The following NEDD4L variants were observed in gnomAD, a reference collection of about 807,000 sequenced individuals.
The protein encoded by NEDD4L is E3 ubiquitin-protein ligase NEDD4-like.
A neutral mutation model predicts 148.9 loss-of-function variants in NEDD4L; 54 were observed. The ratio of observed to expected loss-of-function variants is 0.36; its 90% CI spans 0.29 to 0.45. NEDD4L has a LOEUF of 0.45. NEDD4L is among the 20% of genes least tolerant of loss of function. The probability of loss-of-function intolerance (pLI) is 1.00; values close to 1 mark genes in which losing one functional copy is unlikely to be tolerated. For missense variants in NEDD4L, 856 were observed against 1,233.8 expected (o/e 0.69, Z 4.59); for synonymous variants, 433 against 440.7 (o/e 0.98, Z 0.22).
rs142079290 is a variant in NEDD4L at position 58,340,851 on chromosome 18, T to A, written c.1126-187T>A. The A allele has an allele frequency of 5.7e-4, 343 of 604,384 alleles. 2 individuals carry two copies. In the African/African-American group the frequency reaches 5.9e-3, roughly 10 times the overall value. 37.4% of individuals were successfully genotyped at this position (604,384 alleles called of 1,614,324 possible). ...GACTCTGCAACTGTATGGGGTTCAT[T>A]TCACAGTAGATTTGAAGCTGTTGGA... On this transcript the variant is annotated intron_variant, in intron 13 of 30. Transcript: ENST00000400345.
At position 58,399,000 on chromosome 18, in the gene NEDD4L, T is replaced by C. The variant is rs2050666203; in HGVS notation, c.*2731T>C. On this transcript the variant is annotated 3_prime_UTR_variant, in exon 31 of 31. Coordinates refer to ENST00000400345, the MANE Select transcript of NEDD4L (RefSeq NM_001144967.3). ...AGAAATCACCTTAATGCAGTCTCTT[T>C]AGTTGTCTGCTGAAGCTGTAGTTAT... 2 of 152,254 alleles carry C rather than the reference T, an allele frequency of 1.3e-5. No homozygotes were observed. The highest frequency in any genetic ancestry group is 2.1e-4 in the South Asian group (1 of 4,824). 9.4% of individuals were successfully genotyped at this position (152,254 alleles called of 1,614,324 possible).
At chr18:58,349,418 C>T in intron 16 of NEDD4L, 119 bp from the exon 17 acceptor site, 6 of 729,134 alleles carry the variant, frequency 8.2e-6, no homozygotes, top group East Asian at 2.6e-5. Flanking sequence ...ACCCATCTCA[C>T]GCTCCAGGCA....
At chr18:58,302,067 C>T (rs928507846) in intron 5 of NEDD4L, among the ~76,000 whole-genome samples, 4 of 152,206 alleles carry the variant, frequency 2.6e-5, no homozygotes, top group African/African-American at 9.6e-5. Flanking sequence ...ATCCCAGTTA[C>T]TTTGTAGATT....
chr18:58,149,713 A>G (rs1426369531), intron 1 of NEDD4L: 1 of 658,796 alleles, frequency 1.5e-6, no homozygotes, highest in Non-Finnish European at 2.8e-6. Context: ...TGACCTGATT[A>G]CTTCTTTCTT....
intron 1 of NEDD4L, among the ~76,000 whole-genome samples, chr18:58,108,004 G>T (rs1037501408): frequency 6.6e-6 from 1 of 152,156 alleles, no homozygotes; most frequent in African/African-American, 2.4e-5. Flanking sequence ...ACAGGCATGA[G>T]CCACTGCACC....
intron 5 of NEDD4L, among the ~76,000 whole-genome samples, chr18:58,287,924 T>A (rs1389286730): frequency 6.6e-6 from 1 of 152,212 alleles, no homozygotes; most frequent in African/African-American, 2.4e-5. Flanking sequence ...CCAGCAATAA[T>A]GATAATCAGT....
intron 2 of NEDD4L, among the ~76,000 whole-genome samples, chr18:58,233,356 G>A (rs959488942): frequency 1.4e-4 from 21 of 152,194 alleles, no homozygotes; most frequent in Non-Finnish European, 7.3e-5. Context: ...CATGGCCGGG[G>A]AGGCCTCACA....
intron 1 of NEDD4L, among the ~76,000 whole-genome samples, chr18:58,133,440 C>T (rs1050820530): frequency 3.9e-5 from 6 of 152,090 alleles, no homozygotes; most frequent in African/African-American, 1.4e-4. Context: ...GAAACTTGTG[C>T]ATAGTTATTA....
chr18:58,138,800 A>G (rs942835208), intron 1 of NEDD4L, among the ~76,000 whole-genome samples: 1 of 152,222 alleles, frequency 6.6e-6, no homozygotes, highest in African/African-American at 2.4e-5. Flanking sequence ...TTCATTCACA[A>G]GGGCGCCATC....
intron 1 of NEDD4L, among the ~76,000 whole-genome samples, chr18:58,142,040 CTTTTTTT>C (rs552184742): frequency 2.9e-4 from 12 of 41,864 alleles, no homozygotes; most frequent in East Asian, 1.6e-3. Flanking sequence ...AAATTTCTTT[CTTTTTTT>C]TTTTTTTTTT....
chr18:58,113,666 C>T (rs969910191), intron 1 of NEDD4L, among the ~76,000 whole-genome samples: 1 of 152,046 alleles, frequency 6.6e-6, no homozygotes, highest in Non-Finnish European at 1.5e-5. Context: ...AGTGGGACGG[C>T]CTTACGGACG....
chr18:58,050,418 C>T (rs1005034349), intron 1 of NEDD4L, among the ~76,000 whole-genome samples: 8 of 151,852 alleles, frequency 5.3e-5, no homozygotes, highest in Non-Finnish European at 8.8e-5. Flanking sequence ...TGCAGTGAGC[C>T]GAGATCGCAC....
intron 1 of NEDD4L, among the ~76,000 whole-genome samples, chr18:58,050,651 C>A (rs1251009893): frequency 6.6e-6 from 1 of 150,986 alleles, no homozygotes; most frequent in Non-Finnish European, 1.5e-5. Context: ...ATCCCAGTTA[C>A]TCGGGAGGCT....
chr18:58,315,923 GA>G, intron 5 of NEDD4L, 58 bp from the exon 6 acceptor site: 2 of 1,394,122 alleles, frequency 1.4e-6, no homozygotes, highest in South Asian at 2.3e-5. Context: ...ACATTTTTAG[GA>G]AATGCTGACG....
intron 13 of NEDD4L, 149 bp downstream of exon 13, chr18:58,335,686 A>C: frequency 1.5e-6 from 1 of 653,542 alleles, no homozygotes; most frequent in Non-Finnish European, 2.8e-6. Flanking sequence ...TAAGCTTCTC[A>C]TTTGGGGATT....
chr18:58,121,766 T>A (rs1202884621), intron 1 of NEDD4L, among the ~76,000 whole-genome samples: 1 of 152,212 alleles, frequency 6.6e-6, no homozygotes, highest in East Asian at 1.9e-4. Flanking sequence ...TTTAAAATTA[T>A]CCCAATAATA....
chr18:58,242,467 C>T (rs2046751140), intron 2 of NEDD4L, among the ~76,000 whole-genome samples: 1 of 152,056 alleles, frequency 6.6e-6, no homozygotes, highest in African/African-American at 2.4e-5. Context: ...TCTGGGCACC[C>T]GTTCTCCCCC....
Position 58,349,532 on chromosome 18 carries a change from T to C in NEDD4L, c.1576-5T>C, listed in dbSNP as rs778104395. On this transcript the variant is annotated splice_region_variant and splice_polypyrimidine_tract_variant and intron_variant, in intron 16 of 30. Transcript: ENST00000400345. ...CATCTACTGTCTTTTACATTTTTCT[T>C]GCAGGAAGATCCACGTTTGAAATTT... The C allele has an allele frequency of 5.6e-6, 9 of 1,612,780 alleles. No individual in the cohort carries two copies. In the Admixed American group the frequency reaches 6.7e-5, roughly 12 times the overall value.
intron 24 of NEDD4L, among the ~76,000 whole-genome samples, chr18:58,380,656 C>T (rs966195998): frequency 3.3e-5 from 5 of 152,038 alleles, no homozygotes; most frequent in African/African-American, 7.2e-5. Flanking sequence ...CACATGCCAT[C>T]GTGGTTTGCT....
Sources: gnomAD v4.1 joint callset for allele counts (sites outside exome capture counted in the v4.1 genomes callset) on GRCh38, gnomAD v4.1.1 for gene constraint, MANE v1.5 for transcripts, NCBI Gene and HGNC (gene_info 2026-07-23, HGNC 2026-07-21) for gene names.